Variants in PCDHA13 observed in about 807,000 individuals in gnomAD.
PCDHA13 encodes protocadherin alpha-13.
Under a neutral mutation model 64.8 loss-of-function variants are expected in PCDHA13, and 54 were observed. That is an observed-to-expected ratio of 0.83 (90% CI 0.67 to 1.04). PCDHA13 has a LOEUF of 1.04. Ranked by LOEUF, PCDHA13 falls within the 50% of genes least tolerant of loss-of-function variation. The pLI, the probability that PCDHA13 is intolerant of heterozygous loss-of-function variation, is 0.00. For missense variants in PCDHA13, 1,248 were observed against 1,254.3 expected, an observed-to-expected ratio of 0.99 and a Z score of 0.08; for synonymous variants, 587 against 564.4, an observed-to-expected ratio of 1.04 and a Z score of -0.57.
At chr5:140,919,858 T>C (rs1392372108) in intron 1 of PCDHA13, among the ~76,000 whole-genome samples, 1 of 152,246 alleles carries the variant, frequency 6.6e-6, no homozygotes, top group Non-Finnish European at 1.5e-5. Flanking sequence ...TGACCTCATT[T>C]GGAAATAAGT....
chr5:140,965,353 A>C (rs1255008521), intron 1 of PCDHA13, among the ~76,000 whole-genome samples: 1 of 152,172 alleles, frequency 6.6e-6, no homozygotes, highest in Non-Finnish European at 1.5e-5. Flanking sequence ...TTGCCTCTAT[A>C]GCAGTACAAG....
intron 1 of PCDHA13, among the ~76,000 whole-genome samples, chr5:140,942,119 A>T (rs1180591078): frequency 6.6e-6 from 1 of 152,242 alleles, no homozygotes; most frequent in African/African-American, 2.4e-5. Context: ...AACTTTATTA[A>T]AGGTGATATT....
At chr5:140,971,466 G>A (rs928383559) in intron 1 of PCDHA13, among the ~76,000 whole-genome samples, 2 of 152,144 alleles carry the variant, frequency 1.3e-5, no homozygotes, top group Non-Finnish European at 2.9e-5. Flanking sequence ...GCAGTTATAG[G>A]GAGAGAGTGT....
At chr5:140,913,987 T>C (rs562066581) in intron 1 of PCDHA13, among the ~76,000 whole-genome samples, 5 of 152,318 alleles carry the variant, frequency 3.3e-5, no homozygotes, top group African/African-American at 1.2e-4. Context: ...ACTTGTATTG[T>C]GACTAGCATA....
chr5:140,907,932 A>T (rs1291390398), intron 1 of PCDHA13, among the ~76,000 whole-genome samples: 1 of 152,202 alleles, frequency 6.6e-6, no homozygotes, highest in Non-Finnish European at 1.5e-5. Context: ...GTCCATTCAC[A>T]TACCTTTTCC....
chr5:140,927,513 C>G, intron 1 of PCDHA13: 1 of 1,614,062 alleles, frequency 6.2e-7, no homozygotes, highest in Non-Finnish European at 8.5e-7. Context: ...CAGCTCGGGA[C>G]GGCGGGCTAC....
chr5:140,978,865 A>G, intron 1 of PCDHA13, 84 bp from the exon 2 acceptor site: 1 of 1,602,026 alleles, frequency 6.2e-7, no homozygotes, highest in South Asian at 1.1e-5. Flanking sequence ...GAAATATTTA[A>G]GGGAGTAACT....
chr5:140,916,732 C>A (rs2077701110), intron 1 of PCDHA13, among the ~76,000 whole-genome samples: 1 of 152,178 alleles, frequency 6.6e-6, no homozygotes, highest in South Asian at 2.1e-4. Flanking sequence ...TTTGTTGCTG[C>A]AAGCTTCACT....
chr5:140,904,235 T>A (rs147535141), intron 1 of PCDHA13, among the ~76,000 whole-genome samples: 1,856 of 152,070 alleles, frequency 0.012, 44 homozygotes, highest in African/African-American at 0.042. Flanking sequence ...TACTTATGCC[T>A]TTGCATCCTC....
intron 1 of PCDHA13, among the ~76,000 whole-genome samples, chr5:140,951,417 C>G (rs1259525145): frequency 6.6e-6 from 1 of 152,044 alleles, no homozygotes; most frequent in Non-Finnish European, 1.5e-5. Context: ...AATTGGCTCA[C>G]AGTTCCACAG....
chr5:140,890,621 A>G (rs1209531386), intron 1 of PCDHA13, among the ~76,000 whole-genome samples: 1 of 152,174 alleles, frequency 6.6e-6, no homozygotes, highest in Non-Finnish European at 1.5e-5. Context: ...TACCCTAGAA[A>G]ATTAAGCATG....
chr5:140,947,401 G>A (rs1314695904), intron 1 of PCDHA13, among the ~76,000 whole-genome samples: 1 of 151,652 alleles, frequency 6.6e-6, no homozygotes, highest in Non-Finnish European at 1.5e-5. Flanking sequence ...AAAGTAGACT[G>A]TCTTGATATT....
intron 1 of PCDHA13, among the ~76,000 whole-genome samples, chr5:140,937,364 T>C (rs1471697724): frequency 6.6e-6 from 1 of 152,150 alleles, no homozygotes; most frequent in African/African-American, 2.4e-5. Flanking sequence ...TATTTTATCT[T>C]AATGTTTATG....
rs782473800 is a variant in PCDHA13 at position 140,927,043 on chromosome 5, T to C, written c.2394+42381T>C. On this transcript the variant is annotated intron_variant, in intron 1 of 3. Transcript: ENST00000289272. Reference sequence around the variant, plus strand: ...CTTGAGGCTGCCAGCGGCCGCTATGTCCTCGCGGAACTTTCGCTTCCTTTC... The same window carrying C: ...CTTGAGGCTGCCAGCGGCCGCTATGCCCTCGCGGAACTTTCGCTTCCTTTC... 11 of 1,612,262 alleles carry C rather than the reference T, an allele frequency of 6.8e-6. No homozygotes were observed. Among genetic ancestry groups the C allele is most frequent in the Non-Finnish European group, 9.3e-6 (11 of 1,178,916 alleles).
At chr5:141,000,415 A>T (rs1462372394) in intron 3 of PCDHA13, among the ~76,000 whole-genome samples, 8 of 87,370 alleles carry the variant, frequency 9.2e-5, no homozygotes, top group African/African-American at 2.5e-4. Flanking sequence ...ATATATATAT[A>T]TATATATTTT....
intron 3 of PCDHA13, among the ~76,000 whole-genome samples, chr5:140,993,523 CAGAG>C (rs111789518): frequency 3.4e-5 from 5 of 145,668 alleles, no homozygotes; most frequent in South Asian, 2.2e-4. Flanking sequence ...GAGAGAGAGA[CAGAG>C]AGAGAGAGAG....
At chr5:140,962,585 T>C (rs2095694248) in intron 1 of PCDHA13, among the ~76,000 whole-genome samples, 1 of 152,216 alleles carries the variant, frequency 6.6e-6, no homozygotes, top group South Asian at 2.1e-4. Flanking sequence ...ATGCCAAATA[T>C]TTGACTGATA....
chr5:140,980,428 G>A (rs868912779), intron 2 of PCDHA13, among the ~76,000 whole-genome samples: 5 of 152,028 alleles, frequency 3.3e-5, no homozygotes, highest in Admixed American at 2.6e-4. Flanking sequence ...TCAAGAGATC[G>A]AGACCATCCT....
At chr5:140,957,221 C>T (rs1171404836) in intron 1 of PCDHA13, among the ~76,000 whole-genome samples, 3 of 151,984 alleles carry the variant, frequency 2.0e-5, no homozygotes, top group Non-Finnish European at 4.4e-5. Flanking sequence ...AAAAATTTGG[C>T]GAAGCATTTT....
Sources: allele counts gnomAD v4.1 joint callset (sites outside exome capture counted in the v4.1 genomes callset), GRCh38; gene constraint gnomAD v4.1.1; transcripts MANE v1.5; gene names NCBI Gene and HGNC (gene_info 2026-07-23, HGNC 2026-07-21).